Variants in MGAT4C observed in about 807,000 individuals in gnomAD.
MGAT4C encodes the protein alpha-1,3-mannosyl-glycoprotein 4-beta-N-acetylglucosaminyltransferase C.
MGAT4C carries 19 observed loss-of-function variants against 40.1 expected under a neutral mutation model. The ratio of observed to expected loss-of-function variants is 0.47; its 90% CI spans 0.33 to 0.70. The LOEUF (loss-of-function observed/expected upper bound fraction) is 0.70. MGAT4C is among the 30% of genes least tolerant of loss of function. The pLI, the probability that MGAT4C is intolerant of heterozygous loss-of-function variation, is 0.02. For missense variants in MGAT4C, 491 were observed against 563.2 expected (o/e 0.87, Z 1.30); for synonymous variants, 181 against 187.1 (o/e 0.97, Z 0.27).
chr12:86,504,057 C>A (rs1224217437), intron 2 of MGAT4C, among the ~76,000 whole-genome samples: 1 of 151,356 alleles, frequency 6.6e-6, no homozygotes, highest in African/African-American at 2.4e-5. Context: ...AAATGGCCAA[C>A]AAACCTAAGA....
intron 1 of MGAT4C, among the ~76,000 whole-genome samples, chr12:86,808,397 C>G (rs1485574326): frequency 2.0e-5 from 3 of 151,948 alleles, no homozygotes; most frequent in Non-Finnish European, 4.4e-5. Flanking sequence ...ACTGGAAAAC[C>G]AAATCTAGCA....
At chr12:86,015,621 A>G (rs972028913) in intron 2 of MGAT4C, 2 of 152,242 alleles carry the variant, frequency 1.3e-5, no homozygotes, top group Non-Finnish European at 2.9e-5. Flanking sequence ...AATTGCTGCA[A>G]TAACTGGAGG....
At chr12:86,610,218 T>C (rs1186596639) in intron 2 of MGAT4C, among the ~76,000 whole-genome samples, 1 of 152,170 alleles carries the variant, frequency 6.6e-6, no homozygotes, top group Non-Finnish European at 1.5e-5. Context: ...AAAATTTTTC[T>C]TGAGAGGGAT....
chr12:86,520,484 A>ATTTAGGTT (rs371199548), intron 2 of MGAT4C, among the ~76,000 whole-genome samples: 1 of 152,132 alleles, frequency 6.6e-6, no homozygotes, highest in African/African-American at 2.4e-5. Context: ...TTTGATGGGC[A>ATTTAGGTT]TTTAGGTTGA....
intron 2 of MGAT4C, among the ~76,000 whole-genome samples, chr12:86,721,142 G>A (rs375395315): frequency 6.6e-6 from 1 of 152,102 alleles, no homozygotes; most frequent in South Asian, 2.1e-4. Flanking sequence ...AGAGAAGGTG[G>A]CAAGTGTGAA....
intron 1 of MGAT4C, among the ~76,000 whole-genome samples, chr12:86,825,185 G>A (rs1331144843): frequency 6.6e-6 from 1 of 151,118 alleles, no homozygotes; most frequent in East Asian, 1.9e-4. Context: ...CAAGGTTTGA[G>A]GAAAGAGGGT....
At chr12:86,250,722 G>A (rs955176288) in intron 1 of MGAT4C, among the ~76,000 whole-genome samples, 1 of 152,016 alleles carries the variant, frequency 6.6e-6, no homozygotes, top group African/African-American at 2.4e-5. Context: ...TTTTAGATTT[G>A]AGAAAAGTTC....
In MGAT4C at chr12:86,373,757, G is replaced by A. The variant is rs572109869; in HGVS notation, c.-119-39630C>T. 5.9e-5 allele frequency among the ~76,000 whole-genome samples: 9 copies of A among 151,770 alleles called. No homozygotes were observed. In the East Asian group the frequency reaches 1.8e-3, roughly 30 times the overall value. On this transcript the variant is annotated intron_variant, in intron 3 of 7. Transcript: ENST00000548651. ...GCGAAACACAGTGAAGGGGTCAATA[G>A]GCAAAAGACTTGAACTAAGGTTGTT...
intron 1 of MGAT4C, among the ~76,000 whole-genome samples, chr12:86,141,732 A>T (rs2135740481): frequency 6.6e-6 from 1 of 152,296 alleles, no homozygotes; most frequent in African/African-American, 2.4e-5. Context: ...AAGAAAAAAA[A>T]GCTTTTTAAG....
At position 86,263,810 on chromosome 12, in the gene MGAT4C, C is replaced by A. The variant is rs11103906; in HGVS notation, c.-57+70255G>T. Among the ~76,000 whole-genome samples, 1,048 of 152,222 alleles carry A rather than the reference C, an allele frequency of 6.9e-3. 15 individuals carry two copies. The highest frequency in any genetic ancestry group is 0.024 in the African/African-American group (1,005 of 41,528). The stretch of plus-strand genomic sequence containing the variant: ...CCCACCAACAGTATATGAGAGTTCC[C>A]TTTTCTCTAAATTCTCACTAAAATC... On this transcript the variant is annotated intron_variant, in intron 4 of 7. Transcript: ENST00000548651.
intron 2 of MGAT4C, among the ~76,000 whole-genome samples, chr12:86,675,774 T>A (rs1416822968): frequency 6.6e-6 from 1 of 152,184 alleles, no homozygotes; most frequent in Non-Finnish European, 1.5e-5. Context: ...CATAATGAGA[T>A]GAGGATAATG....
chr12:86,263,613 A>G (rs1952713264), intron 4 of MGAT4C, among the ~76,000 whole-genome samples: 1 of 152,194 alleles, frequency 6.6e-6, no homozygotes, highest in African/African-American at 2.4e-5. Context: ...CTTTGCTACT[A>G]TAAATAGTGC....
chr12:86,347,996 C>A (rs1247655054), intron 3 of MGAT4C, among the ~76,000 whole-genome samples: 1 of 152,034 alleles, frequency 6.6e-6, no homozygotes, highest in African/African-American at 2.4e-5. Context: ...ATAAACATTT[C>A]CATTATTTGA....
chr12:86,235,913 A>G (rs1173059883), intron 1 of MGAT4C, among the ~76,000 whole-genome samples: 1 of 152,092 alleles, frequency 6.6e-6, no homozygotes, highest in Admixed American at 6.6e-5. Flanking sequence ...CAAAACCACT[A>G]CTACCAACTA....
chr12:86,829,127 C>T (rs990839839), intron 1 of MGAT4C, among the ~76,000 whole-genome samples: 14 of 151,308 alleles, frequency 9.3e-5, no homozygotes, highest in Non-Finnish European at 2.1e-4. Context: ...AAACACAAAT[C>T]CCCATTCTTA....
At chr12:86,479,340 T>C (rs939293040) in intron 2 of MGAT4C, among the ~76,000 whole-genome samples, 2 of 152,014 alleles carry the variant, frequency 1.3e-5, no homozygotes, top group Non-Finnish European at 2.9e-5. Flanking sequence ...GCATTTTTAA[T>C]ACTATCTAGA....
At chr12:86,342,947 C>T (rs1434468279) in intron 3 of MGAT4C, among the ~76,000 whole-genome samples, 1 of 152,006 alleles carries the variant, frequency 6.6e-6, no homozygotes, top group East Asian at 1.9e-4. Context: ...ATCATGATGA[C>T]TGTCTTTACT....
rs1005731699 is a variant in MGAT4C at position 85,970,918 on chromosome 12, A to G, written c.*8371T>C. ...AACACATGAGTGGCTAAAATTGCAAACTTAATCACATAAATAATGAGATTA... is the reference window on the plus strand; with the variant it reads ...AACACATGAGTGGCTAAAATTGCAAGCTTAATCACATAAATAATGAGATTA... On this transcript the variant is annotated 3_prime_UTR_variant, in exon 5 of 5. Transcript: ENST00000611864. 6.6e-6 allele frequency: 1 copy of G among 151,222 alleles called. No homozygotes were observed. Among genetic ancestry groups the G allele is most frequent in the Non-Finnish European group, 1.5e-5 (1 of 67,372 alleles). 9.4% of individuals were successfully genotyped at this position (151,222 alleles called of 1,614,324 possible). A position where few individuals can be genotyped will look rare whatever the true frequency, so the allele number is the denominator to read the frequency against.
chr12:85,981,669 C>T (rs556866182), intron 4 of MGAT4C, among the ~76,000 whole-genome samples: 69 of 152,166 alleles, frequency 4.5e-4, no homozygotes, highest in African/African-American at 1.5e-3. Context: ...ATGTTCAAAA[C>T]GGTCTTTTGG....
Sources: allele counts gnomAD v4.1 joint callset (sites outside exome capture counted in the v4.1 genomes callset), GRCh38; gene constraint gnomAD v4.1.1; transcripts MANE v1.5; gene names NCBI Gene and HGNC (gene_info 2026-07-23, HGNC 2026-07-21).